CNTN5: variants seen among roughly 807,000 people sequenced by gnomAD.
The protein encoded by CNTN5 is contactin-5.
CNTN5 carries 77 observed loss-of-function variants against 129.1 expected under a neutral mutation model. The ratio of observed to expected loss-of-function variants is 0.60; its 90% CI spans 0.50 to 0.72. CNTN5 has a LOEUF of 0.72. Ranked by LOEUF, CNTN5 falls within the 30% of genes least tolerant of loss-of-function variation. The pLI is 0.00. For synonymous variants in CNTN5, 509 were observed against 465.6 expected (o/e 1.09, Z -1.20); for missense variants, 1,478 against 1,328.8 (o/e 1.11, Z -1.75).
At chr11:99,267,095 T>C (rs968577343) in intron 1 of CNTN5, among the ~76,000 whole-genome samples, 8 of 151,850 alleles carry the variant, frequency 5.3e-5, no homozygotes, top group African/African-American at 1.7e-4. Context: ...TAAATGGTAA[T>C]AACATGGAGA....
At chr11:99,871,194 T>C (rs1340749509) in intron 6 of CNTN5, among the ~76,000 whole-genome samples, 2 of 152,022 alleles carry the variant, frequency 1.3e-5, no homozygotes, top group African/African-American at 2.4e-5. Context: ...GGTAATAAAA[T>C]CAGTTCTTGT....
At chr11:99,374,826 A>G (rs1940062623) in intron 2 of CNTN5, among the ~76,000 whole-genome samples, 1 of 91,312 alleles carries the variant, frequency 1.1e-5, no homozygotes, top group African/African-American at 2.7e-5. Flanking sequence ...ACCAAATGCA[A>G]TAGAAAACTC....
chr11:99,739,129 T>C (rs1943809526), intron 3 of CNTN5, among the ~76,000 whole-genome samples: 1 of 152,176 alleles, frequency 6.6e-6, no homozygotes, highest in Admixed American at 6.6e-5. Flanking sequence ...TTTATAGCTG[T>C]TCTCCAAACA....
chr11:99,729,312 C>G (rs946523363), intron 3 of CNTN5, among the ~76,000 whole-genome samples: 1 of 151,770 alleles, frequency 6.6e-6, no homozygotes, highest in Non-Finnish European at 1.5e-5. Context: ...CATTTTTTTA[C>G]CTTTAGGTTT....
chr11:99,857,039 T>C (rs1258881016), intron 6 of CNTN5, among the ~76,000 whole-genome samples: 5 of 149,628 alleles, frequency 3.3e-5, no homozygotes, highest in African/African-American at 1.0e-4. Flanking sequence ...TATCTCCCTC[T>C]CTCTCTCCCT....
chr11:100,333,228 G>A (rs533412314), intron 21 of CNTN5, among the ~76,000 whole-genome samples: 35 of 151,710 alleles, frequency 2.3e-4, no homozygotes, highest in Middle Eastern at 3.4e-3. Context: ...CCTAACCATC[G>A]ATGTGGAAGA....
At chr11:99,160,898 T>C (rs1860576562) in intron 1 of CNTN5, among the ~76,000 whole-genome samples, 1 of 152,184 alleles carries the variant, frequency 6.6e-6, no homozygotes, top group South Asian at 2.1e-4. Flanking sequence ...ATGAATGAAC[T>C]CTGATTGAAT....
At chr11:100,286,225 A>T (rs1401635171) in intron 18 of CNTN5, among the ~76,000 whole-genome samples, 4 of 152,238 alleles carry the variant, frequency 2.6e-5, no homozygotes, top group Admixed American at 6.5e-5. Context: ...ACAAAGCAGC[A>T]GGGAAGCTCC....
At chr11:100,075,915 G>A (rs1191185803) in intron 13 of CNTN5, among the ~76,000 whole-genome samples, 1 of 151,996 alleles carries the variant, frequency 6.6e-6, no homozygotes, top group Admixed American at 6.6e-5. Flanking sequence ...TTCAGGTCAA[G>A]GTACTCTGTG....
In CNTN5 at chr11:99,738,616, C is replaced by CGTGTGTGT. The variant is rs113729274; in HGVS notation, c.56-80909_56-80902dup. Among the ~76,000 whole-genome samples, 1,074 of 143,230 alleles carry CGTGTGTGT rather than the reference C, an allele frequency of 7.5e-3. 11 individuals carry two copies. The highest frequency in any genetic ancestry group is 0.019 in the African/African-American group (714 of 38,466). 94.0% of individuals were successfully genotyped at this position (143,230 alleles called of 152,430 possible). On this transcript the variant is annotated intron_variant, in intron 3 of 24. Coordinates refer to ENST00000524871, the MANE Select transcript of CNTN5 (RefSeq NM_014361.4). ...AAATGATACATTCATAAGACAGTAA[C>CGTGTGTGT]GTGTGTGTGTGTGTGTGTGTGTGTG...
At chr11:99,493,505 A>G (rs533183086) in intron 2 of CNTN5, among the ~76,000 whole-genome samples, 126 of 152,358 alleles carry the variant, frequency 8.3e-4, no homozygotes, top group African/African-American at 2.9e-3. Flanking sequence ...CTAATTCCAA[A>G]TCTTGAAAAT....
At chr11:100,327,440 C>T (rs1016964674) in intron 21 of CNTN5, among the ~76,000 whole-genome samples, 2 of 152,198 alleles carry the variant, frequency 1.3e-5, no homozygotes, top group Admixed American at 1.3e-4. Context: ...AACTCCCAAT[C>T]ATCTCTCAGC....
chr11:99,675,711 A>G (rs1458526872), intron 3 of CNTN5, among the ~76,000 whole-genome samples: 1 of 152,120 alleles, frequency 6.6e-6, no homozygotes, highest in Non-Finnish European at 1.5e-5. Flanking sequence ...ATAGAAACAG[A>G]TAAATCTAAA....
chr11:99,845,872 AATG>A (rs1205371949), intron 6 of CNTN5, among the ~76,000 whole-genome samples: 1 of 152,110 alleles, frequency 6.6e-6, no homozygotes, highest in East Asian at 1.9e-4. Flanking sequence ...GAGAAAAAAA[AATG>A]ATAATCCAAA....
chr11:99,751,127 A>AG (rs1201928236), intron 3 of CNTN5, among the ~76,000 whole-genome samples: 2 of 152,182 alleles, frequency 1.3e-5, no homozygotes, highest in Non-Finnish European at 2.9e-5. Context: ...GTCTAAGGTC[A>AG]GGAGTTCGAG....
At chr11:99,516,381 G>A (rs930927154) in intron 2 of CNTN5, among the ~76,000 whole-genome samples, 1 of 151,926 alleles carries the variant, frequency 6.6e-6, no homozygotes, top group African/African-American at 2.4e-5. Flanking sequence ...TCAAATTTCT[G>A]GTAAGAGAAA....
At chr11:100,266,733 A>G (rs1950310869) in intron 17 of CNTN5, among the ~76,000 whole-genome samples, 1 of 151,624 alleles carries the variant, frequency 6.6e-6, no homozygotes, top group Non-Finnish European at 1.5e-5. Flanking sequence ...CCAAGAGGAT[A>G]TAAATATGCA....
intron 3 of CNTN5, among the ~76,000 whole-genome samples, chr11:99,600,379 A>G (rs1355081590): frequency 6.6e-6 from 1 of 152,218 alleles, no homozygotes; most frequent in Non-Finnish European, 1.5e-5. Context: ...CAACTTACAT[A>G]AAAATTAATG....
chr11:99,352,364 T>C (rs1938357580), intron 2 of CNTN5, among the ~76,000 whole-genome samples: 1 of 152,214 alleles, frequency 6.6e-6, no homozygotes, highest in South Asian at 2.1e-4. Flanking sequence ...AGAGTATTAA[T>C]GCAGTTGAAA....
Sources: allele counts gnomAD v4.1 joint callset (sites outside exome capture counted in the v4.1 genomes callset), GRCh38; gene constraint gnomAD v4.1.1; transcripts MANE v1.5; gene names NCBI Gene and HGNC (gene_info 2026-07-23, HGNC 2026-07-21).